The following ELSPBP1 variants were observed in gnomAD, a reference collection of about 807,000 sequenced individuals.
The protein encoded by ELSPBP1 is epididymal sperm binding protein 1.
A neutral mutation model predicts 33.3 loss-of-function variants in ELSPBP1; 38 were observed. That is an observed-to-expected ratio of 1.14 (90% CI 0.88 to 1.50). ELSPBP1 has a LOEUF of 1.50. Ranked by LOEUF, ELSPBP1 falls within the 40% of genes most tolerant of loss-of-function variation. ELSPBP1 has a pLI of 0.00. For missense variants in ELSPBP1, 267 were observed against 263.5 expected, an observed-to-expected ratio of 1.01 and a Z score of -0.09; for synonymous variants, 85 against 94.1, an observed-to-expected ratio of 0.90 and a Z score of 0.56.
At chr19:47,996,118 T>C (rs1316806580) in intron 1 of ELSPBP1, among the ~76,000 whole-genome samples, 2 of 152,164 alleles carry the variant, frequency 1.3e-5, no homozygotes, top group African/African-American at 4.8e-5. Flanking sequence ...TTATAGATGA[T>C]AGGGTTCTTG....
At chr19:48,019,297 G>A (rs1220095570) in intron 4 of ELSPBP1, among the ~76,000 whole-genome samples, 1 of 152,164 alleles carries the variant, frequency 6.6e-6, no homozygotes, top group East Asian at 1.9e-4. Context: ...TAGGATTGGT[G>A]TTCACAGCAA....
At chr19:47,999,444 A>G (rs1230950472) in intron 1 of ELSPBP1, among the ~76,000 whole-genome samples, 1 of 141,722 alleles carries the variant, frequency 7.1e-6, no homozygotes, top group African/African-American at 2.7e-5. Context: ...GCTGGAATGC[A>G]GTGGTGTGAT....
chr19:48,017,890 T>A (rs373078583), intron 4 of ELSPBP1, among the ~76,000 whole-genome samples: 12 of 112,336 alleles, frequency 1.1e-4, no homozygotes, highest in African/African-American at 3.4e-4. Flanking sequence ...GAGTGAGATC[T>A]TGTCTCAAAA....
At chr19:48,002,304 T>G (rs1266891563) in intron 1 of ELSPBP1, among the ~76,000 whole-genome samples, 1 of 152,204 alleles carries the variant, frequency 6.6e-6, no homozygotes, top group African/African-American at 2.4e-5. Flanking sequence ...TCTTAGCATC[T>G]AAGCCAAAAA....
At chr19:47,998,498 G>A (rs1208551746) in intron 1 of ELSPBP1, among the ~76,000 whole-genome samples, 3 of 151,748 alleles carry the variant, frequency 2.0e-5, no homozygotes, top group Non-Finnish European at 4.4e-5. Flanking sequence ...GAGACAAAAT[G>A]GCAGAGTCCG....
Position 48,015,919 on chromosome 19 carries a change from A to G in ELSPBP1, c.235A>G (p.Ile79Val), listed in dbSNP as rs780956721. 1.2e-6 allele frequency: 2 copies of G among 1,612,226 alleles called. No homozygotes were observed. The highest frequency in any genetic ancestry group is 1.1e-5 in the South Asian group (1 of 90,992). Residue 79 changes from isoleucine (I) to valine (V), a missense_variant, in exon 4 of 7, where the codon ATC becomes GTC. By Grantham distance (29) the Ile-to-Val change is conservative (BLOSUM62 3). Transcript: ENST00000339841. The part of the protein sequence containing the change: ...EDYPRCIFPF[I>V]YRGKAYNSCI... ...TTACCCACGCTGTATCTTCCCTTTCATCTATCGAGGAAAGGCTTATAACAG... is the reference window on the plus strand; with the variant it reads ...TTACCCACGCTGTATCTTCCCTTTCGTCTATCGAGGAAAGGCTTATAACAG...
At chr19:48,020,004 C>T (rs1197339684) in intron 5 of ELSPBP1, 127 bp downstream of exon 5, 16 of 965,802 alleles carry the variant, frequency 1.7e-5, no homozygotes, top group African/African-American at 3.3e-5. Context: ...GTGATGAATC[C>T]GGCAGACAGA....
intron 2 of ELSPBP1, 23 bp from the exon 3 acceptor site, chr19:48,014,148 T>C (rs1206672636): frequency 1.2e-6 from 2 of 1,610,246 alleles, no homozygotes; most frequent in East Asian, 2.2e-5. Flanking sequence ...TCCCCACTCC[T>C]GTTTTCTCCT....
chr19:48,000,263 C>T (rs1966954709), intron 1 of ELSPBP1, among the ~76,000 whole-genome samples: 1 of 130,612 alleles, frequency 7.7e-6, no homozygotes. Flanking sequence ...GATGGAGTCT[C>T]ACTCTGCCCA....
At chr19:48,007,692 G>C (rs1967035829) in intron 1 of ELSPBP1, among the ~76,000 whole-genome samples, 1 of 152,162 alleles carries the variant, frequency 6.6e-6, no homozygotes, top group Non-Finnish European at 1.5e-5. Flanking sequence ...TCCAGCTAAG[G>C]AGATGAGTGT....
chr19:48,014,142 C>T lies in ELSPBP1; in HGVS notation c.71-29C>T, dbSNP rs959690084. On this transcript the variant is annotated intron_variant, in intron 2 of 6. Coordinates refer to ENST00000339841, the MANE Select transcript of ELSPBP1 (RefSeq NM_022142.5). ...TTGCTAATTCATCGTGATTCTTCCC[C>T]ACTCCTGTTTTCTCCTTCTGCCCTT... The T allele has an allele frequency of 6.8e-6, 11 of 1,607,392 alleles. No individual in the cohort carries two copies. The Admixed American group carries it at 1.8e-4, about 27-fold the overall frequency.
intron 2 of ELSPBP1, among the ~76,000 whole-genome samples, chr19:48,012,706 G>A (rs10410633): frequency 0.17 from 25,448 of 152,066 alleles, 2,180 homozygotes; most frequent in South Asian, 0.23. Flanking sequence ...GAATAAGGAC[G>A]TCGAAAGTTG....
chr19:48,008,864 G>A (rs7249129), intron 2 of ELSPBP1, 127 bp downstream of exon 2: 395,397 of 777,646 alleles, frequency 0.51, 104,240 homozygotes, highest in East Asian at 0.77. Flanking sequence ...AGCTGGGCGC[G>A]GTGGCTGACA....
intron 2 of ELSPBP1, among the ~76,000 whole-genome samples, chr19:48,013,610 T>C (rs1600108027): frequency 6.6e-6 from 1 of 151,830 alleles, no homozygotes; most frequent in Admixed American, 6.6e-5. Flanking sequence ...CCAGCTACTT[T>C]AGAGGCTGAG....
intron 1 of ELSPBP1, among the ~76,000 whole-genome samples, chr19:48,002,636 C>T (rs1966978825): frequency 1.3e-5 from 2 of 152,158 alleles, no homozygotes; most frequent in Admixed American, 6.5e-5. Context: ...ACTAAAAAGA[C>T]AAAAAAATAG....
In ELSPBP1 at chr19:48,006,877, A is replaced by G. The variant is rs144138298; in HGVS notation, c.-17-1774A>G. ...TAAGAGTAAAAGGCTTCAAGGAAGAACGACAAGAAAAAGGGAGAAAGACAC... is the reference window on the plus strand; with the variant it reads ...TAAGAGTAAAAGGCTTCAAGGAAGAGCGACAAGAAAAAGGGAGAAAGACAC... On this transcript the variant is annotated intron_variant, in intron 1 of 6. Coordinates refer to ENST00000339841, the MANE Select transcript of ELSPBP1 (RefSeq NM_022142.5). Among the ~76,000 whole-genome samples the G allele has an allele frequency of 2.0e-4, 30 of 152,250 alleles. No individual in the cohort carries two copies. The East Asian group carries it at 5.4e-3, about 27-fold the overall frequency.
At chr19:48,008,576 T>A in intron 1 of ELSPBP1, 75 bp from the exon 2 acceptor site, 4 of 1,002,774 alleles carry the variant, frequency 4.0e-6, no homozygotes, top group South Asian at 1.4e-5. Flanking sequence ...ATGGCATGTA[T>A]GACGTCAAAT....
At position 48,022,354 on chromosome 19, in the gene ELSPBP1, G is replaced by A. The variant is rs1967210975; in HGVS notation, c.*7+20G>A. Reference sequence around the variant, plus strand: ...GCTGAGGTGAGAGCAGGGACCAACAGTGGTCATTTCACGGATGCAGAGGTG... The same window carrying A: ...GCTGAGGTGAGAGCAGGGACCAACAATGGTCATTTCACGGATGCAGAGGTG... On this transcript the variant is annotated intron_variant, in intron 6 of 6. Coordinates refer to ENST00000339841, the MANE Select transcript of ELSPBP1 (RefSeq NM_022142.5). 2.5e-6 allele frequency: 4 copies of A among 1,585,198 alleles called. No individual in the cohort carries two copies. The highest frequency in any genetic ancestry group is 2.4e-5 in the South Asian group (2 of 84,900).
In ELSPBP1 at chr19:48,025,073, G is replaced by C. The variant is rs541014858; in HGVS notation, c.*129G>C. On this transcript the variant is annotated 3_prime_UTR_variant, in exon 7 of 7. Transcript: ENST00000339841. ...TTTAGAAATACCCTCTGCACCACCT[G>C]CTTCAATCAGCTGGTCCTTTGTGAA... 5.3e-5 allele frequency: 8 copies of C among 152,298 alleles called. No homozygotes were observed. The East Asian group carries it at 1.4e-3, about 26-fold the overall frequency. The allele number at this position is 152,298 out of a possible 1,614,324, so 9.4% of individuals were successfully genotyped here. A position where few individuals can be genotyped will look rare whatever the true frequency, so the allele number is the denominator to read the frequency against.
Sources: allele counts gnomAD v4.1 joint callset (sites outside exome capture counted in the v4.1 genomes callset), GRCh38; gene constraint gnomAD v4.1.1; transcripts MANE v1.5; gene names NCBI Gene and HGNC (gene_info 2026-07-23, HGNC 2026-07-21).